ZZZ3: variants seen among roughly 807,000 people sequenced by gnomAD.
ZZZ3 encodes ZZ-type zinc finger-containing protein 3.
A neutral mutation model predicts 95.2 loss-of-function variants in ZZZ3; 22 were observed. That is an observed-to-expected ratio of 0.23 (90% CI 0.17 to 0.33). The LOEUF (loss-of-function observed/expected upper bound fraction) is 0.33. Ranked by LOEUF, ZZZ3 falls within the 10% of genes least tolerant of loss-of-function variation. The pLI, the probability that ZZZ3 is intolerant of heterozygous loss-of-function variation, is 1.00. For synonymous variants in ZZZ3, 335 were observed against 358.9 expected (o/e 0.93, Z 0.75); for missense variants, 885 against 1,066.5 (o/e 0.83, Z 2.37).
chr1:77,582,921 A>G (rs560254150), intron 6 of ZZZ3, among the ~76,000 whole-genome samples: 1 of 152,192 alleles, frequency 6.6e-6, no homozygotes, highest in South Asian at 2.1e-4. Context: ...CCTGGCCAAC[A>G]TGGTGAAACC....
chr1:77,608,819 C>G (rs1008226303), intron 5 of ZZZ3, among the ~76,000 whole-genome samples: 4 of 152,022 alleles, frequency 2.6e-5, no homozygotes, highest in African/African-American at 7.2e-5. Context: ...AAGTTGTTAT[C>G]AGGTTAAAAT....
intron 5 of ZZZ3, among the ~76,000 whole-genome samples, chr1:77,626,494 G>T (rs548546421): frequency 6.6e-6 from 1 of 152,112 alleles, no homozygotes; most frequent in Non-Finnish European, 1.5e-5. Flanking sequence ...CATAAGGAGC[G>T]TGCAACCTAG....
At chr1:77,574,531 C>G (rs74090658) in intron 12 of ZZZ3, among the ~76,000 whole-genome samples, 3 of 152,122 alleles carry the variant, frequency 2.0e-5, no homozygotes, top group Admixed American at 1.3e-4. Flanking sequence ...ATGAACCCAG[C>G]AGCAAGTAAC....
chr1:77,622,136 CAAAAAAA>C (rs58597820), intron 5 of ZZZ3, among the ~76,000 whole-genome samples: 1 of 81,876 alleles, frequency 1.2e-5, no homozygotes, highest in Non-Finnish European at 2.5e-5. Flanking sequence ...CTTGTCTCCA[CAAAAAAA>C]AAAAAAAAAA....
chr1:77,665,574 T>C (rs951844475), intron 1 of ZZZ3, among the ~76,000 whole-genome samples: 2 of 152,218 alleles, frequency 1.3e-5, no homozygotes, highest in Non-Finnish European at 2.9e-5. Flanking sequence ...AGTAACTGAC[T>C]TCACGCTTAT....
intron 12 of ZZZ3, among the ~76,000 whole-genome samples, chr1:77,571,468 G>A (rs553971246): frequency 2.5e-4 from 38 of 152,242 alleles, no homozygotes; most frequent in African/African-American, 8.9e-4. Context: ...CTGAAAGCAG[G>A]ATATTTGTAT....
At chr1:77,672,041 G>C (rs1671831388) in intron 1 of ZZZ3, among the ~76,000 whole-genome samples, 1 of 152,130 alleles carries the variant, frequency 6.6e-6, no homozygotes, top group Non-Finnish European at 1.5e-5. Flanking sequence ...GATTTCATCA[G>C]GATACTCAAA....
chr1:77,644,292 T>C (rs1274024792), intron 1 of ZZZ3, among the ~76,000 whole-genome samples: 1 of 152,316 alleles, frequency 6.6e-6, no homozygotes, highest in East Asian at 1.9e-4. Context: ...TCTCAAATCC[T>C]GACCTCAGGT....
rs754572418 is a variant in ZZZ3 at position 77,633,374 on chromosome 1, A to G, written c.-20T>C. ...AGCCATACTATGGCAAGTCCCTACA[A>G]TACGGTCATCATGATCCACTCATTG... On this transcript the variant is annotated 5_prime_UTR_variant, in exon 5 of 15. Transcript: ENST00000370801. 1.6e-5 allele frequency: 25 copies of G among 1,561,040 alleles called. No individual in the cohort carries two copies. The highest frequency in any genetic ancestry group is 2.0e-5 in the Admixed American group (1 of 50,212).
chr1:77,588,445 G>A (rs1308392994), intron 5 of ZZZ3, among the ~76,000 whole-genome samples: 2 of 149,768 alleles, frequency 1.3e-5, no homozygotes, highest in Non-Finnish European at 3.0e-5. Flanking sequence ...TTAACAAACA[G>A]CTATGCAGGA....
upstream of ZZZ3, chr1:77,682,773 G>C (rs1672912583): frequency 6.6e-6 from 1 of 152,214 alleles, no homozygotes; most frequent in African/African-American, 2.4e-5. Flanking sequence ...AACTTAAAAA[G>C]CACTTCACTA....
chr1:77,670,307 T>C (rs1446604156), intron 1 of ZZZ3, among the ~76,000 whole-genome samples: 1 of 151,620 alleles, frequency 6.6e-6, no homozygotes, highest in East Asian at 1.9e-4. Flanking sequence ...TCACCCAGGC[T>C]GGAGTGCAAT....
rs778344878 is a variant in ZZZ3 at position 77,632,008 on chromosome 1, A to G, written c.1347T>C (p.Ser449=). Residue 449 remains serine (S), a synonymous_variant, in exon 5 of 15, where the codon AGT becomes AGC. Coordinates refer to ENST00000370801, the MANE Select transcript of ZZZ3 (RefSeq NM_015534.6). The stretch of plus-strand genomic sequence containing the variant: ...CTGAGGGTGGTTTACTTACTCCTTC[A>G]CTTCCATTATTTTGAGAGTCACAAC... ...GICCDSQNNG[S]EGVSKPPSEA... 1 of 1,614,082 alleles carries G rather than the reference A, an allele frequency of 6.2e-7. No individual in the cohort carries two copies. Among genetic ancestry groups the G allele is most frequent in the Admixed American group, 1.7e-5 (1 of 60,012 alleles).
rs180927620 is a variant in ZZZ3, at chr1:77,663,906, C to T, written c.-403+18679G>A. ...CTGGGATTACAGGTGCGTGCCACCA[C>T]GCCTGGCTAATTTTTGCATTTTTAG... On this transcript the variant is annotated intron_variant, in intron 1 of 14. Coordinates refer to ENST00000370801, the MANE Select transcript of ZZZ3 (RefSeq NM_015534.6). Among the ~76,000 whole-genome samples, 266 of 152,072 alleles carry T rather than the reference C, an allele frequency of 1.7e-3. 1 individual carries two copies. The highest frequency in any genetic ancestry group is 1.9e-4 in the Non-Finnish European group (13 of 67,984).
intron 5 of ZZZ3, among the ~76,000 whole-genome samples, chr1:77,624,051 T>C (rs1055989097): frequency 6.6e-6 from 1 of 152,182 alleles, no homozygotes; most frequent in Admixed American, 6.5e-5. Flanking sequence ...TACTAATATG[T>C]AAAAATACAA....
intron 5 of ZZZ3, among the ~76,000 whole-genome samples, chr1:77,606,874 C>T (rs1486822157): frequency 6.6e-6 from 1 of 152,194 alleles, no homozygotes; most frequent in African/African-American, 2.4e-5. Flanking sequence ...CAAGCCCAGA[C>T]TGAGAAGACT....
intron 1 of ZZZ3, among the ~76,000 whole-genome samples, chr1:77,656,124 C>G (rs887117663): frequency 6.6e-6 from 1 of 152,130 alleles, no homozygotes; most frequent in Non-Finnish European, 1.5e-5. Flanking sequence ...CAAATGTTTC[C>G]CTTTCATCAA....
intron 5 of ZZZ3, among the ~76,000 whole-genome samples, chr1:77,629,893 A>C (rs1452341577): frequency 1.3e-5 from 2 of 152,210 alleles, no homozygotes; most frequent in Non-Finnish European, 2.9e-5. Context: ...TCAAAGGGTT[A>C]TGAATGTGGA....
chr1:77,568,781 A>G (rs757186524), intron 12 of ZZZ3, among the ~76,000 whole-genome samples: 1 of 151,668 alleles, frequency 6.6e-6, no homozygotes, highest in Non-Finnish European at 1.5e-5. Flanking sequence ...TTATATTTTC[A>G]CGGTTACTTG....
Sources: gnomAD v4.1 joint callset for allele counts (sites outside exome capture counted in the v4.1 genomes callset) on GRCh38, gnomAD v4.1.1 for gene constraint, MANE v1.5 for transcripts, NCBI Gene and HGNC (gene_info 2026-07-23, HGNC 2026-07-21) for gene names.